The following SPRED2 variants were observed in gnomAD, a reference collection of about 807,000 sequenced individuals.
SPRED2 encodes sprouty-related, EVH1 domain-containing protein 2.
In SPRED2, 47 loss-of-function variants were observed where a neutral mutation model predicts 43.0. The observed-to-expected ratio is 1.09, with a 90% confidence interval of 0.87 to 1.40. The LOEUF is 1.40. Ranked by LOEUF, SPRED2 falls within the 40% of genes most tolerant of loss-of-function variation. The probability of loss-of-function intolerance (pLI) is 0.00; values close to 1 mark genes in which losing one functional copy is unlikely to be tolerated. For synonymous variants in SPRED2, 225 were observed against 225.7 expected, an observed-to-expected ratio of 1.00 and a Z score of 0.03; for missense variants, 561 against 586.4, an observed-to-expected ratio of 0.96 and a Z score of 0.45.
chr2:65,384,975 C>CTTT (rs35418849), intron 1 of SPRED2, among the ~76,000 whole-genome samples: 51,277 of 139,112 alleles, frequency 0.37, 11,465 homozygotes, highest in East Asian at 0.69. Flanking sequence ...TCCACTTCTT[C>CTTT]TTTTTTTTTT....
chr2:65,349,662 C>T (rs757104941), intron 1 of SPRED2, among the ~76,000 whole-genome samples: 25 of 152,234 alleles, frequency 1.6e-4, no homozygotes, highest in Non-Finnish European at 2.6e-4. Flanking sequence ...GTTTGCATTA[C>T]TTATGTTAGT....
chr2:65,432,126 CGCA>C lies in SPRED2; in HGVS notation c.-142_-140del. ...GGGCGGCTAGAGATGAAGAGGGCGC[CGCA>C]GCAGAAGGGGAAGCAGGGCGCGGGA... On this transcript the variant is annotated 5_prime_UTR_variant, in exon 1 of 6. Coordinates refer to ENST00000356388, the MANE Select transcript of SPRED2 (RefSeq NM_181784.3). The C allele has an allele frequency of 9.0e-7, 1 of 1,109,098 alleles. No homozygotes were observed. The highest frequency in any genetic ancestry group is 1.3e-6 in the Non-Finnish European group (1 of 754,640). 68.7% of individuals were successfully genotyped at this position (1,109,098 alleles called of 1,614,324 possible).
Position 65,311,169 on chromosome 2 carries a change from CT to C in SPRED2, c.*2331del. On this transcript the variant is annotated 3_prime_UTR_variant, in exon 6 of 6. Transcript: ENST00000356388. ...GTTACCACAGATACAAAAATAAAAT[CT>C]GAATAATTTCTCTCAAATGATTGAC... 2.6e-5 allele frequency: 26 copies of C among 985,746 alleles called. No individual in the cohort carries two copies. Among genetic ancestry groups the C allele is most frequent in the Non-Finnish European group, 3.0e-5 (25 of 829,898 alleles). The allele number at this position is 985,746 out of a possible 1,614,324, so 61.1% of individuals were successfully genotyped here.
chr2:65,371,175 C>G (rs1230804211), intron 1 of SPRED2, among the ~76,000 whole-genome samples: 1 of 148,686 alleles, frequency 6.7e-6, no homozygotes, highest in East Asian at 2.2e-4. Context: ...ATCCCCGCAT[C>G]CAATCATACT....
intron 1 of SPRED2, among the ~76,000 whole-genome samples, chr2:65,391,096 A>C (rs1675625784): frequency 6.6e-6 from 1 of 151,326 alleles, no homozygotes; most frequent in African/African-American, 2.4e-5. Context: ...TCAAAAAAAA[A>C]AAAAAAAATC....
intron 1 of SPRED2, among the ~76,000 whole-genome samples, chr2:65,430,945 C>T (rs1427942503): frequency 1.3e-5 from 2 of 152,186 alleles, no homozygotes; most frequent in Non-Finnish European, 2.9e-5. Context: ...GCTCAAACCC[C>T]AGGCATAAGA....
intron 1 of SPRED2, chr2:65,377,881 T>C: frequency 2.8e-6 from 1 of 355,642 alleles, no homozygotes; most frequent in South Asian, 2.1e-5. Flanking sequence ...TCCACGGAGC[T>C]GACTCATACT....
intron 1 of SPRED2, among the ~76,000 whole-genome samples, chr2:65,397,029 T>C (rs1675774398): frequency 6.6e-6 from 1 of 152,052 alleles, no homozygotes; most frequent in Admixed American, 6.5e-5. Context: ...GTCTGCCATA[T>C]GCCAAATTCT....
chr2:65,323,817 A>G (rs983674021), intron 4 of SPRED2, among the ~76,000 whole-genome samples: 7 of 152,050 alleles, frequency 4.6e-5, no homozygotes, highest in Admixed American at 2.6e-4. Context: ...AAGAGGTTGC[A>G]GTGAGCCGAG....
At chr2:65,366,630 G>A (rs1227455404) in intron 1 of SPRED2, 2 of 1,552,848 alleles carry the variant, frequency 1.3e-6, no homozygotes, top group Middle Eastern at 1.7e-4. Context: ...TGGAGCCCGA[G>A]TGCTGGGTAT....
intron 1 of SPRED2, among the ~76,000 whole-genome samples, chr2:65,387,657 A>G (rs561171393): frequency 6.6e-6 from 1 of 152,340 alleles, no homozygotes; most frequent in South Asian, 2.1e-4. Flanking sequence ...TTAAAAATTT[A>G]AATATATAAA....
chr2:65,401,942 C>A (rs1328652980), intron 1 of SPRED2, among the ~76,000 whole-genome samples: 1 of 121,466 alleles, frequency 8.2e-6, no homozygotes, highest in South Asian at 2.6e-4. Flanking sequence ...CGCGCGCACA[C>A]ACACACACAC....
chr2:65,339,567 T>G (rs967070224), intron 2 of SPRED2, among the ~76,000 whole-genome samples: 62 of 151,220 alleles, frequency 4.1e-4, no homozygotes, highest in Non-Finnish European at 7.4e-4. Context: ...TAATCTCAAG[T>G]ACCCAGGGAC....
intron 1 of SPRED2, among the ~76,000 whole-genome samples, chr2:65,362,719 G>T (rs1007918791): frequency 6.6e-6 from 1 of 152,046 alleles, no homozygotes; most frequent in African/African-American, 2.4e-5. Context: ...TTAGCCAGGC[G>T]TGGTGGTGCA....
At chr2:65,405,105 A>T (rs1558686938) in intron 1 of SPRED2, among the ~76,000 whole-genome samples, 2 of 152,268 alleles carry the variant, frequency 1.3e-5, no homozygotes, top group Admixed American at 1.3e-4. Flanking sequence ...TGTGCCAAGC[A>T]TTAGCTCATC....
At chr2:65,417,653 C>T (rs540040957) in intron 1 of SPRED2, among the ~76,000 whole-genome samples, 1 of 152,290 alleles carries the variant, frequency 6.6e-6, no homozygotes, top group East Asian at 1.9e-4. Flanking sequence ...TAACACAGTA[C>T]CCAAAACAGG....
intron 1 of SPRED2, among the ~76,000 whole-genome samples, chr2:65,360,406 T>C (rs900641496): frequency 3.9e-5 from 6 of 152,262 alleles, no homozygotes; most frequent in African/African-American, 1.4e-4. Flanking sequence ...GAAGCTCTTG[T>C]GTTAACTTTT....
chr2:65,422,104 A>ACACACTCT lies in SPRED2; in HGVS notation c.26+9857_26+9858insAGAGTGTG, dbSNP rs1299857849. The stretch of plus-strand genomic sequence containing the variant: ...CACACACACACACACACACACACAC[A>ACACACTCT]CTCTCTCTCTCTCTCTCTCTCTCTC... On this transcript the variant is annotated intron_variant, in intron 1 of 5. Coordinates refer to ENST00000356388, the MANE Select transcript of SPRED2 (RefSeq NM_181784.3). Among the ~76,000 whole-genome samples the ACACACTCT allele has an allele frequency of 5.4e-3, 701 of 129,008 alleles. 2 individuals carry two copies. The highest frequency in any genetic ancestry group is 9.5e-3 in the Non-Finnish European group (573 of 60,560). 84.6% of individuals were successfully genotyped at this position (129,008 alleles called of 152,430 possible). A position where few individuals can be genotyped will look rare whatever the true frequency, so the allele number is the denominator to read the frequency against.
At chr2:65,345,691 A>T (rs1441198375) in intron 1 of SPRED2, among the ~76,000 whole-genome samples, 1 of 152,268 alleles carries the variant, frequency 6.6e-6, no homozygotes, top group African/African-American at 2.4e-5. Context: ...CTTGCAAATC[A>T]TAAATTCACC....
Sources: allele counts gnomAD v4.1 joint callset (sites outside exome capture counted in the v4.1 genomes callset), GRCh38; gene constraint gnomAD v4.1.1; transcripts MANE v1.5; gene names NCBI Gene and HGNC (gene_info 2026-07-23, HGNC 2026-07-21).